ADAMTS6: variants seen among roughly 807,000 people sequenced by gnomAD.
ADAMTS6 encodes A disintegrin and metalloproteinase with thrombospondin motifs 6.
ADAMTS6 carries 23 observed loss-of-function variants against 144.3 expected under a neutral mutation model. The ratio of observed to expected loss-of-function variants is 0.16; its 90% CI spans 0.11 to 0.23. The LOEUF is 0.23. ADAMTS6 is among the 10% of genes least tolerant of loss of function. The probability of loss-of-function intolerance (pLI) is 1.00; values close to 1 mark genes in which losing one functional copy is unlikely to be tolerated. For missense variants in ADAMTS6, 999 were observed against 1,379.6 expected (o/e 0.72, Z 4.37); for synonymous variants, 444 against 457.5 (o/e 0.97, Z 0.38).
intron 7 of ADAMTS6, among the ~76,000 whole-genome samples, chr5:65,417,226 T>C (rs1755610810): frequency 6.6e-6 from 1 of 151,980 alleles, no homozygotes; most frequent in African/African-American, 2.4e-5. Flanking sequence ...AAGGAATAAA[T>C]CTCAAAATAA....
chr5:65,173,067 A>G, intron 22 of ADAMTS6, 59 bp from the exon 23 acceptor site: 1 of 1,530,812 alleles, frequency 6.5e-7, no homozygotes, highest in Non-Finnish European at 8.9e-7. Context: ...GAAAATTTGA[A>G]GAAAGTCTTT....
intron 22 of ADAMTS6, among the ~76,000 whole-genome samples, chr5:65,185,202 A>G (rs779368352): frequency 6.6e-6 from 1 of 152,232 alleles, no homozygotes; most frequent in African/African-American, 2.4e-5. Flanking sequence ...CTACTCAGAC[A>G]TCTATTTAAC....
intron 10 of ADAMTS6, among the ~76,000 whole-genome samples, chr5:65,293,300 A>T (rs1310598150): frequency 6.6e-6 from 1 of 152,104 alleles, no homozygotes; most frequent in Non-Finnish European, 1.5e-5. Flanking sequence ...CAAGTTAAGT[A>T]CTACTATAAA....
chr5:65,284,559 A>G (rs186566531), intron 11 of ADAMTS6, among the ~76,000 whole-genome samples: 2 of 151,584 alleles, frequency 1.3e-5, no homozygotes, highest in Non-Finnish European at 3.0e-5. Context: ...ATTTATATCT[A>G]TATTTACTCT....
In ADAMTS6 at chr5:65,357,552, T is replaced by C. The variant is rs541221358; in HGVS notation, c.1074-23467A>G. Among the ~76,000 whole-genome samples, 11 of 150,852 alleles carry C rather than the reference T, an allele frequency of 7.3e-5. No homozygotes were observed. The South Asian group carries it at 1.9e-3, about 26-fold the overall frequency. ...CTAAAAAAACAATAAAAAAGATCAA[T>C]GAAATTAGGAGTGGGTCTTTTGAAA... is the stretch of plus-strand genomic sequence containing the variant. On this transcript the variant is annotated intron_variant, in intron 7 of 24. Coordinates refer to ENST00000381055, the MANE Select transcript of ADAMTS6 (RefSeq NM_197941.4).
chr5:65,318,938 C>T (rs1033211904), intron 9 of ADAMTS6, among the ~76,000 whole-genome samples: 2 of 152,024 alleles, frequency 1.3e-5, no homozygotes, highest in Non-Finnish European at 2.9e-5. Context: ...TACCAAAATT[C>T]TCCATGATGT....
At position 65,273,512 on chromosome 5, in the gene ADAMTS6, C is replaced by T. The variant is rs966793211; in HGVS notation, c.1513-65G>A. On this transcript the variant is annotated intron_variant, in intron 11 of 24. Coordinates refer to ENST00000381055, the MANE Select transcript of ADAMTS6 (RefSeq NM_197941.4). ...TCATGTCCAATTCTTCCATAAAATACACTTACAGTCACTCTGCATTACTTT... is the reference window on the plus strand; with the variant it reads ...TCATGTCCAATTCTTCCATAAAATATACTTACAGTCACTCTGCATTACTTT... 4.8e-6 allele frequency: 6 copies of T among 1,252,208 alleles called. No homozygotes were observed. The Admixed American group carries it at 5.1e-5, about 11-fold the overall frequency. The allele number at this position is 1,252,208 out of a possible 1,614,324, so 77.6% of individuals were successfully genotyped here.
intron 7 of ADAMTS6, among the ~76,000 whole-genome samples, chr5:65,338,285 G>A (rs888514678): frequency 1.3e-5 from 2 of 152,194 alleles, no homozygotes; most frequent in Non-Finnish European, 2.9e-5. Context: ...GGAAATCAGG[G>A]TTCCACTTTT....
intron 7 of ADAMTS6, among the ~76,000 whole-genome samples, chr5:65,340,893 C>T (rs999236081): frequency 6.6e-6 from 1 of 151,888 alleles, no homozygotes; most frequent in African/African-American, 2.4e-5. Context: ...GAGAATATAA[C>T]AATTGTAAAT....
chr5:65,285,993 T>A (rs1212982266), intron 11 of ADAMTS6, among the ~76,000 whole-genome samples: 1 of 152,216 alleles, frequency 6.6e-6, no homozygotes, highest in East Asian at 1.9e-4. Flanking sequence ...TGAGTCAGTA[T>A]GTGCGCCTTG....
At chr5:65,390,322 A>T (rs935084413) in intron 7 of ADAMTS6, among the ~76,000 whole-genome samples, 2 of 152,202 alleles carry the variant, frequency 1.3e-5, no homozygotes, top group Admixed American at 6.5e-5. Flanking sequence ...TTTATCATCC[A>T]ATCAAAGATG....
At chr5:65,377,617 T>C (rs1464085695) in intron 7 of ADAMTS6, among the ~76,000 whole-genome samples, 1 of 152,222 alleles carries the variant, frequency 6.6e-6, no homozygotes, top group Non-Finnish European at 1.5e-5. Context: ...TGACTCTATG[T>C]ACCTCATTTG....
chr5:65,296,381 A>G (rs1742840746), intron 10 of ADAMTS6, among the ~76,000 whole-genome samples: 1 of 152,152 alleles, frequency 6.6e-6, no homozygotes, highest in Non-Finnish European at 1.5e-5. Context: ...CACCCTTAAT[A>G]TAACTGAGCT....
chr5:65,380,103 A>G (rs1751908724), intron 7 of ADAMTS6, among the ~76,000 whole-genome samples: 1 of 152,104 alleles, frequency 6.6e-6, no homozygotes, highest in African/African-American at 2.4e-5. Context: ...GAAAATATAA[A>G]AATAGTATAA....
chr5:65,453,765 T>C (rs1758950224), intron 4 of ADAMTS6, among the ~76,000 whole-genome samples: 1 of 152,192 alleles, frequency 6.6e-6, no homozygotes, highest in African/African-American at 2.4e-5. Flanking sequence ...CATCCTTATA[T>C]TGAACAGGAA....
chr5:65,458,026 G>T (rs997372417), intron 4 of ADAMTS6, among the ~76,000 whole-genome samples: 1 of 151,836 alleles, frequency 6.6e-6, no homozygotes, highest in Non-Finnish European at 1.5e-5. Context: ...TGCCCGGCCT[G>T]AATCCTAGTT....
chr5:65,287,596 T>A (rs1313069568), intron 11 of ADAMTS6, among the ~76,000 whole-genome samples: 1 of 152,160 alleles, frequency 6.6e-6, no homozygotes, highest in East Asian at 1.9e-4. Context: ...AGTGGCACAA[T>A]CTCAGCTCAC....
At chr5:65,244,265 G>A (rs1032711007) in intron 14 of ADAMTS6, among the ~76,000 whole-genome samples, 1 of 151,920 alleles carries the variant, frequency 6.6e-6, no homozygotes, top group African/African-American at 2.4e-5. Context: ...CTAGATGAAA[G>A]AGATGAACTA....
intron 7 of ADAMTS6, among the ~76,000 whole-genome samples, chr5:65,446,691 G>A (rs532076041): frequency 4.6e-5 from 7 of 152,316 alleles, no homozygotes; most frequent in Non-Finnish European, 8.8e-5. Context: ...CTAAGTAAAA[G>A]AGGCAAGTCA....
Sources: gnomAD v4.1 joint callset for allele counts (sites outside exome capture counted in the v4.1 genomes callset) on GRCh38, gnomAD v4.1.1 for gene constraint, MANE v1.5 for transcripts, NCBI Gene and HGNC (gene_info 2026-07-23, HGNC 2026-07-21) for gene names.